SV2C: variants seen among roughly 807,000 people sequenced by gnomAD.
SV2C encodes synaptic vesicle glycoprotein 2C.
SV2C carries 49 observed loss-of-function variants against 79.7 expected under a neutral mutation model. That is an observed-to-expected ratio of 0.61 (90% CI 0.49 to 0.78). SV2C has a LOEUF of 0.78. Ranked by LOEUF, SV2C falls within the 30% of genes least tolerant of loss-of-function variation. The pLI is 0.00. For synonymous variants in SV2C, 334 were observed against 333.2 expected (o/e 1.00, Z -0.03); for missense variants, 833 against 912.9 (o/e 0.91, Z 1.13).
chr5:76,223,708 T>C (rs1745160072), intron 4 of SV2C, among the ~76,000 whole-genome samples: 1 of 151,718 alleles, frequency 6.6e-6, no homozygotes, highest in Non-Finnish European at 1.5e-5. Context: ...CCCTTATTAC[T>C]CAGAGAAATC....
chr5:76,073,041 G>A, the SV2C span, among the ~76,000 whole-genome samples: 5 of 152,168 alleles, frequency 3.3e-5, no homozygotes, highest in Non-Finnish European at 4.4e-5. Context: ...CTCCCACTCC[G>A]TGGGCTATCA....
chr5:76,184,682 CATGAGAACAG>C (rs1330574523), intron 2 of SV2C, among the ~76,000 whole-genome samples: 1 of 152,168 alleles, frequency 6.6e-6, no homozygotes, highest in Non-Finnish European at 1.5e-5. Context: ...CACTGAGTAT[CATGAGAACAG>C]CATGAAGGAA....
chr5:75,923,040 C>T, the SV2C span, among the ~76,000 whole-genome samples: 20 of 152,214 alleles, frequency 1.3e-4, no homozygotes, highest in South Asian at 1.5e-3. Flanking sequence ...AAACAAATAG[C>T]TGAGCTTTGA....
chr5:76,206,115 C>T (rs1468773085), intron 3 of SV2C, among the ~76,000 whole-genome samples: 1 of 152,046 alleles, frequency 6.6e-6, no homozygotes, highest in African/African-American at 2.4e-5. Flanking sequence ...CCCTCACATG[C>T]AATATTGAGG....
intron 1 of SV2C, among the ~76,000 whole-genome samples, chr5:76,120,441 T>C (rs1482139394): frequency 6.7e-6 from 1 of 149,746 alleles, no homozygotes; most frequent in African/African-American, 2.5e-5. Flanking sequence ...TATGTATACA[T>C]GTGCCATGCT....
the SV2C span, among the ~76,000 whole-genome samples, chr5:76,073,465 C>G: frequency 7.4e-6 from 1 of 134,302 alleles, no homozygotes; most frequent in Non-Finnish European, 1.6e-5. Context: ...GCCCATCAAT[C>G]AATGAGTGAA....
chr5:76,170,208 A>G (rs1403958733), intron 2 of SV2C, among the ~76,000 whole-genome samples: 1 of 146,096 alleles, frequency 6.8e-6, no homozygotes, highest in Non-Finnish European at 1.5e-5. Flanking sequence ...TAGACACACA[A>G]TCTTTACATC....
the SV2C span, among the ~76,000 whole-genome samples, chr5:75,888,070 A>C: frequency 6.6e-6 from 1 of 152,170 alleles, no homozygotes; most frequent in East Asian, 1.9e-4. Flanking sequence ...TTTGTATTCT[A>C]TCATTATCGA....
At chr5:75,885,418 C>A in the SV2C span, among the ~76,000 whole-genome samples, 2 of 152,096 alleles carry the variant, frequency 1.3e-5, no homozygotes, top group Non-Finnish European at 2.9e-5. Context: ...AAAGGACAGG[C>A]AGATTTGCTA....
chr5:76,069,622 T>C, the SV2C span, among the ~76,000 whole-genome samples: 33 of 152,318 alleles, frequency 2.2e-4, no homozygotes, highest in African/African-American at 7.2e-4. Flanking sequence ...CACACAAGGA[T>C]GAAATGCAGA....
chr5:75,994,752 T>C, the SV2C span, among the ~76,000 whole-genome samples: 1 of 152,072 alleles, frequency 6.6e-6, no homozygotes, highest in African/African-American at 2.4e-5. Context: ...TAAGAGGAGA[T>C]TTATTATAGA....
the SV2C span, among the ~76,000 whole-genome samples, chr5:75,982,406 C>T: frequency 6.6e-6 from 1 of 152,088 alleles, no homozygotes; most frequent in Non-Finnish European, 1.5e-5. Context: ...ATCAAAACCA[C>T]AATGAGATAC....
rs1295446783 is a variant in SV2C, at chr5:76,272,282, C to T, written c.914-12880C>T. 7.2e-5 allele frequency among the ~76,000 whole-genome samples: 11 copies of T among 152,242 alleles called. No individual in the cohort carries two copies. The East Asian group carries it at 2.1e-3, about 29-fold the overall frequency. On this transcript the variant is annotated intron_variant, in intron 4 of 12. Coordinates refer to ENST00000502798, the MANE Select transcript of SV2C (RefSeq NM_014979.4). ...TTGCCCCCGGGAGAAAAATCTTTCA[C>T]CTAACAATGGATTCCACTAGAATTT...
the SV2C span, among the ~76,000 whole-genome samples, chr5:75,972,654 G>A: frequency 1.2e-4 from 19 of 152,118 alleles, 1 homozygote; most frequent in East Asian, 5.8e-4. Context: ...TTAGAATGGC[G>A]ATCATTAAAC....
the SV2C span, among the ~76,000 whole-genome samples, chr5:75,986,397 A>G: frequency 6.6e-6 from 1 of 151,866 alleles, no homozygotes; most frequent in Non-Finnish European, 1.5e-5. Flanking sequence ...AGGGTCTACA[A>G]GCCAACTAGT....
chr5:76,346,345 C>T (rs751635054), intron 12 of SV2C, among the ~76,000 whole-genome samples: 8 of 152,206 alleles, frequency 5.3e-5, no homozygotes, highest in African/African-American at 1.7e-4. Context: ...CTGTGTTTAA[C>T]GATGGCTTGC....
intron 4 of SV2C, among the ~76,000 whole-genome samples, chr5:76,265,578 G>C (rs930369227): frequency 6.6e-6 from 1 of 152,186 alleles, no homozygotes; most frequent in African/African-American, 2.4e-5. Flanking sequence ...GCCCAATTTT[G>C]TGCTTGAAAC....
chr5:76,284,044 C>T (rs1747273295), intron 4 of SV2C, among the ~76,000 whole-genome samples: 1 of 152,278 alleles, frequency 6.6e-6, no homozygotes, highest in East Asian at 1.9e-4. Flanking sequence ...TAAAATTTCA[C>T]CTCACATAAT....
the SV2C span, among the ~76,000 whole-genome samples, chr5:75,850,566 G>A: frequency 6.6e-6 from 1 of 152,046 alleles, no homozygotes; most frequent in Admixed American, 6.5e-5. Flanking sequence ...TGACTATCTA[G>A]GTTGGTGGTG....
Sources: gnomAD v4.1 joint callset for allele counts (sites outside exome capture counted in the v4.1 genomes callset) on GRCh38, gnomAD v4.1.1 for gene constraint, MANE v1.5 for transcripts, NCBI Gene and HGNC (gene_info 2026-07-23, HGNC 2026-07-21) for gene names.